The following STRIP2 variants were observed in gnomAD, a reference collection of about 807,000 sequenced individuals.
STRIP2 encodes striatin interacting protein 2.
In STRIP2, 84 loss-of-function variants were observed where a neutral mutation model predicts 107.1. The observed-to-expected ratio is 0.78, with a 90% CI of 0.66 to 0.94. The LOEUF (loss-of-function observed/expected upper bound fraction) is 0.94, where lower values mean the gene tolerates loss of function less well. Among genes scored for constraint, STRIP2 ranks in the 40% least tolerant of loss-of-function variants. The pLI is 0.00. For synonymous variants in STRIP2, 394 were observed against 400.4 expected, an observed-to-expected ratio of 0.98 and a Z score of 0.19; for missense variants, 888 against 1,034.2, an observed-to-expected ratio of 0.86 and a Z score of 1.94.
At chr7:129,463,667 G>A (rs1798600384) in intron 14 of STRIP2, among the ~76,000 whole-genome samples, 1 of 152,140 alleles carries the variant, frequency 6.6e-6, no homozygotes, top group South Asian at 2.1e-4. Flanking sequence ...GCTAGTTTTT[G>A]TATTTTTAGT....
intron 4 of STRIP2, among the ~76,000 whole-genome samples, chr7:129,451,957 ATC>A (rs1798206608): frequency 6.6e-6 from 1 of 152,126 alleles, no homozygotes; most frequent in Non-Finnish European, 1.5e-5. Context: ...ATCTGCCTTT[ATC>A]TTACCAGGTA....
rs2151011569 is a variant in STRIP2, at chr7:129,470,515, C to A, written c.1878-134C>A. ...TTGCCTGGCACCAGAGCCCTCATTTCAGCTGAGGTCACTAAGCAATTTGGG... is the reference window on the plus strand; with the variant it reads ...TTGCCTGGCACCAGAGCCCTCATTTAAGCTGAGGTCACTAAGCAATTTGGG... On this transcript the variant is annotated intron_variant, in intron 17 of 20. Transcript: ENST00000249344. 3 of 674,022 alleles carry A rather than the reference C, an allele frequency of 4.5e-6. No homozygotes were observed. In the Middle Eastern group the frequency reaches 1.2e-3, roughly 274 times the overall value. The allele number at this position is 674,022 out of a possible 1,614,324, so 41.8% of individuals were successfully genotyped here. A position where few individuals can be genotyped will look rare whatever the true frequency, so the allele number is the denominator to read the frequency against.
rs1359299554 is a variant in STRIP2 at position 129,456,581 on chromosome 7, T to C, written c.977T>C (p.Leu326Pro). The C allele has an allele frequency of 1.9e-6, 3 of 1,614,110 alleles. No individual in the cohort carries two copies. Among genetic ancestry groups the C allele is most frequent in the South Asian group, 1.1e-5 (1 of 91,080 alleles). ...AASPPSYTLD[L>P]GESQLAPPPS... ...TCCCCGCCCTCTTACACTCTTGACCTGGGAGAGTCTCAGCTGGCACCCCCA... is the reference window on the plus strand; with the variant it reads ...TCCCCGCCCTCTTACACTCTTGACCCGGGAGAGTCTCAGCTGGCACCCCCA... Residue 326 changes from leucine to proline, a missense_variant, in exon 9 of 21, where the codon CTG becomes CCG. By Grantham distance (98) the Leu-to-Pro change is moderately conservative. Coordinates refer to ENST00000249344, the MANE Select transcript of STRIP2 (RefSeq NM_020704.3).
At chr7:129,443,635 T>C (rs760874920) in intron 2 of STRIP2, among the ~76,000 whole-genome samples, 5 of 152,198 alleles carry the variant, frequency 3.3e-5, no homozygotes, top group Non-Finnish European at 4.4e-5. Context: ...TTCCTCTAAG[T>C]TTCAGGAGTT....
intron 3 of STRIP2, 152 bp from the exon 4 acceptor site, chr7:129,451,461 A>C (rs4731578): frequency 9.3e-7 from 1 of 1,071,370 alleles, no homozygotes; most frequent in Admixed American, 2.5e-5. Flanking sequence ...TCCTTTTCCC[A>C]TACCTTATTC....
intron 6 of STRIP2, 65 bp from the exon 7 acceptor site, chr7:129,454,356 T>A: frequency 6.8e-7 from 1 of 1,460,558 alleles, no homozygotes; most frequent in Non-Finnish European, 9.6e-7. Context: ...AGACCATCTC[T>A]GAGGTCTGTG....
In STRIP2 at chr7:129,460,344, A is replaced by G; in HGVS notation, c.1448A>G (p.Glu483Gly). The stretch of plus-strand genomic sequence containing the variant: ...GCAGATGTGCAGATCAAGAATGAAG[A>G]GGAGCTGGAGAAGTGCCCTATGTCT... ...SIADVQIKNE[E>G]ELEKCPMSLG... The change falls in exon 13 of 21, where the codon GAG becomes GGG. Residue 483 changes from glutamate to glycine, a missense_variant. By Grantham distance (98) the Glu-to-Gly change is moderately conservative. Coordinates refer to ENST00000249344, the MANE Select transcript of STRIP2 (RefSeq NM_020704.3). 6.2e-7 allele frequency: 1 copy of G among 1,614,068 alleles called. No homozygotes were observed.
Position 129,483,927 on chromosome 7 carries a change from A to T in STRIP2, c.2254+881A>T, listed in dbSNP as rs1799186790. Among the ~76,000 whole-genome samples the T allele has an allele frequency of 6.6e-6, 1 of 151,944 alleles. No individual in the cohort carries two copies. The highest frequency in any genetic ancestry group is 6.6e-5 in the Admixed American group (1 of 15,248). On this transcript the variant is annotated intron_variant, in intron 20 of 20. Coordinates refer to ENST00000249344, the MANE Select transcript of STRIP2 (RefSeq NM_020704.3). This position sits in a 1 kb window ranked among gnomAD's most constrained non-coding sequence, Gnocchi z 5.1. Reference sequence around the variant, plus strand: ...CGGCTAATTTTTCAAATTTTTTTGTAGAGATGGAGTCTCTCCCTGTGTTGC... The same window carrying T: ...CGGCTAATTTTTCAAATTTTTTTGTTGAGATGGAGTCTCTCCCTGTGTTGC...
In STRIP2 at chr7:129,486,636, T is replaced by G. The variant is rs1423193650; in HGVS notation, c.*807T>G. 6.6e-6 allele frequency: 1 copy of G among 152,124 alleles called. No homozygotes were observed. Among genetic ancestry groups the G allele is most frequent in the Non-Finnish European group, 1.5e-5 (1 of 68,014 alleles). 9.4% of individuals were successfully genotyped at this position (152,124 alleles called of 1,614,324 possible). On this transcript the variant is annotated 3_prime_UTR_variant, in exon 21 of 21. Transcript: ENST00000249344. ...ATACTGCAGAAAATTATCCTTTTCA[T>G]CTAATTCATTTTTTAAATGACAAGT...
At position 129,458,042 on chromosome 7, in the gene STRIP2, A is replaced by T. The variant is rs939384869; in HGVS notation, c.1039-173A>T. 4.5e-5 allele frequency: 30 copies of T among 666,812 alleles called. No homozygotes were observed. Among genetic ancestry groups the T allele is most frequent in the African/African-American group, 2.3e-4 (13 of 56,380 alleles). The allele number at this position is 666,812 out of a possible 1,614,324, so 41.3% of individuals were successfully genotyped here. On this transcript the variant is annotated intron_variant, in intron 9 of 20. Transcript: ENST00000249344. This position sits in a 1 kb window ranked among gnomAD's most constrained non-coding sequence, Gnocchi z 4.6. ...TTACCTGAGAACTTCTTGTCCTGTT[A>T]TTGGGCCGGGTGGGGACAGTAGGTT...
At chr7:129,466,230 G>A (rs1388118979) in intron 16 of STRIP2, among the ~76,000 whole-genome samples, 1 of 152,056 alleles carries the variant, frequency 6.6e-6, no homozygotes, top group African/African-American at 2.4e-5. Context: ...AGGGCCACAG[G>A]CACATCTCAA....
chr7:129,485,623 T>C lies in STRIP2; in HGVS notation c.2299T>C (p.Leu767=), dbSNP rs1355122709. 6.2e-7 allele frequency: 1 copy of C among 1,613,836 alleles called. No individual in the cohort carries two copies. The highest frequency in any genetic ancestry group is 8.5e-7 in the Non-Finnish European group (1 of 1,180,020). ...GGACTTCCAAGCAGAAGAATGTACC[T>C]TGAGGGCCAACATTGAGGCTTTTAA... The part of the protein sequence containing the change: ...PWDFQAEECT[L]RANIEAFNSR... The change falls in exon 21 of 21, where the codon TTG becomes CTG. Residue 767 remains leucine, a synonymous_variant. Coordinates refer to ENST00000249344, the MANE Select transcript of STRIP2 (RefSeq NM_020704.3).
chr7:129,472,775 C>A (rs79719343), intron 18 of STRIP2, among the ~76,000 whole-genome samples: 2 of 68,888 alleles, frequency 2.9e-5, no homozygotes, highest in Admixed American at 2.3e-4. Context: ...CTTTTCTTTT[C>A]CTTTTTTTTT....
At chr7:129,459,004 G>A (rs2151002780) in intron 11 of STRIP2, among the ~76,000 whole-genome samples, 1 of 152,274 alleles carries the variant, frequency 6.6e-6, no homozygotes, top group South Asian at 2.1e-4. Flanking sequence ...CCAACTGTAG[G>A]ACTTTGAGCA....
At chr7:129,435,512 T>C (rs1312344694) in intron 1 of STRIP2, among the ~76,000 whole-genome samples, 1 of 152,180 alleles carries the variant, frequency 6.6e-6, no homozygotes, top group Non-Finnish European at 1.5e-5. Flanking sequence ...CTGGCATAGT[T>C]GGTGGTCAAG....
In STRIP2 at chr7:129,470,638, G is replaced by GA; in HGVS notation, c.1878-11_1878-10insA. On this transcript the variant is annotated splice_polypyrimidine_tract_variant and intron_variant, in intron 17 of 20. Transcript: ENST00000249344. ...TTACCTAAAGCCTGTCCTTATCTCTGCATCTTACAGCATCTCAGTCCTGGA... is the reference window on the plus strand; with the variant it reads ...TTACCTAAAGCCTGTCCTTATCTCTGACATCTTACAGCATCTCAGTCCTGGA... The GA allele has an allele frequency of 6.2e-7, 1 of 1,612,234 alleles. No homozygotes were observed. The highest frequency in any genetic ancestry group is 8.5e-7 in the Non-Finnish European group (1 of 1,178,306).
Position 129,460,973 on chromosome 7 carries a change from G to A in STRIP2, c.1476+601G>A, listed in dbSNP as rs377539496. 8.5e-5 allele frequency among the ~76,000 whole-genome samples: 13 copies of A among 152,326 alleles called. No individual in the cohort carries two copies. The South Asian group carries it at 2.3e-3, about 27-fold the overall frequency. On this transcript the variant is annotated intron_variant, in intron 13 of 20. Transcript: ENST00000249344. ...CTTTGGAGATTTGAAGCAGGGGAGT[G>A]ATATGATCTGATTTATGTTTCTAAA...
intron 18 of STRIP2, among the ~76,000 whole-genome samples, chr7:129,479,391 A>G (rs923035068): frequency 6.6e-6 from 1 of 152,196 alleles, no homozygotes; most frequent in African/African-American, 2.4e-5. Flanking sequence ...TACAGTAGAA[A>G]GTCCCATAGA....
intron 8 of STRIP2, among the ~76,000 whole-genome samples, 153 bp downstream of exon 8, chr7:129,455,524 A>G (rs1343875241): frequency 1.3e-5 from 2 of 152,226 alleles, no homozygotes; most frequent in Non-Finnish European, 2.9e-5. Context: ...AGGCTGTCCT[A>G]GAGACATCAG....
Sources: gnomAD v4.1 joint callset for allele counts (sites outside exome capture counted in the v4.1 genomes callset) on GRCh38, gnomAD v4.1.1 for gene constraint, Gnocchi (gnomAD v3.1) non-coding constraint, MANE v1.5 for transcripts, NCBI Gene and HGNC (gene_info 2026-07-23, HGNC 2026-07-21) for gene names.